Variants in TTC9C observed in about 807,000 individuals in gnomAD.
TTC9C encodes the protein tetratricopeptide repeat domain 9C, also known as tetratricopeptide repeat protein 9C.
A neutral mutation model predicts 22.5 loss-of-function variants in TTC9C; 15 were observed. The observed-to-expected ratio is 0.67, with a 90% CI of 0.45 to 1.03. The LOEUF (loss-of-function observed/expected upper bound fraction) is 1.03. Among genes scored for constraint, TTC9C ranks in the 50% least tolerant of loss-of-function variants. TTC9C has a pLI of 0.00. For missense variants in TTC9C, 244 were observed against 214.6 expected (o/e 1.14, Z -0.86); for synonymous variants, 92 against 86.8 (o/e 1.06, Z -0.33).
intron 1 of TTC9C, among the ~76,000 whole-genome samples, chr11:62,734,922 G>A (rs1195778465): frequency 2.0e-5 from 3 of 152,218 alleles, no homozygotes; most frequent in Non-Finnish European, 1.5e-5. Context: ...TTGAGACAAA[G>A]TTTCACTCTT....
At chr11:62,730,616 C>G (rs2083837319) in intron 1 of TTC9C, among the ~76,000 whole-genome samples, 1 of 152,154 alleles carries the variant, frequency 6.6e-6, no homozygotes, top group South Asian at 2.1e-4. Context: ...TCTTGTTGCC[C>G]AGGCTGGAGT....
At chr11:62,733,849 A>G (rs893137923) in intron 1 of TTC9C, among the ~76,000 whole-genome samples, 2 of 151,982 alleles carry the variant, frequency 1.3e-5, no homozygotes, top group Non-Finnish European at 1.5e-5. Context: ...AAAATTAGCC[A>G]GGCATGGTGG....
At chr11:62,731,958 TACA>T (rs1255106751) in intron 1 of TTC9C, among the ~76,000 whole-genome samples, 1 of 148,764 alleles carries the variant, frequency 6.7e-6, no homozygotes, top group East Asian at 2.0e-4. Context: ...GTGCTGGGAT[TACA>T]GGTGTGAGCC....
At chr11:62,733,221 T>G (rs954032287) in intron 1 of TTC9C, 3 of 1,238,292 alleles carry the variant, frequency 2.4e-6, no homozygotes, top group Non-Finnish European at 3.1e-6. Flanking sequence ...AAGGTCCCAT[T>G]AAGTCATCCA....
chr11:62,733,199 G>C (rs2083872535), intron 1 of TTC9C: 1 of 1,274,788 alleles, frequency 7.8e-7, no homozygotes. Flanking sequence ...CTCCTCTGCA[G>C]GTTTGTATTT....
chr11:62,733,341 C>CCT, intron 1 of TTC9C: 2 of 364,602 alleles, frequency 5.5e-6, no homozygotes, highest in South Asian at 5.1e-5. Context: ...AGATCTTAGA[C>CCT]AAGTTATTTG....
Position 62,728,771 on chromosome 11 carries a change from T to A in TTC9C, c.-78T>A. ...TGCCTCCTTAAATTGGCTGCTACTG[T>A]CAGTTATTTTGCTCCCAACCCCAGA... On this transcript the variant is annotated 5_prime_UTR_variant, in exon 1 of 3. Transcript: ENST00000316461. The A allele has an allele frequency of 7.1e-7, 1 of 1,412,092 alleles. No individual in the cohort carries two copies. Among genetic ancestry groups the A allele is most frequent in the Non-Finnish European group, 1.0e-6 (1 of 1,000,396 alleles). The allele number at this position is 1,412,092 out of a possible 1,614,324, so 87.5% of individuals were successfully genotyped here.
upstream of TTC9C, chr11:62,728,451 CGGGGGGGG>C (rs527854814): frequency 2.9e-5 from 13 of 445,486 alleles, no homozygotes; most frequent in African/African-American, 2.6e-4. Context: ...ACTTCCAGGT[CGGGGGGGG>C]GCGGGTCCAA....
At chr11:62,732,713 G>A (rs572910674) in intron 1 of TTC9C, among the ~76,000 whole-genome samples, 141 of 152,218 alleles carry the variant, frequency 9.3e-4, no homozygotes, top group African/African-American at 1.3e-3. Flanking sequence ...GAGGTCAGGA[G>A]ATGGAGACCA....
In TTC9C at chr11:62,735,273, G is replaced by T. The variant is rs2083897266; in HGVS notation, c.239-109G>T. On this transcript the variant is annotated intron_variant, in intron 1 of 2. Coordinates refer to ENST00000316461, the MANE Select transcript of TTC9C (RefSeq NM_173810.4). ...GCATATGGGAGACACTTTAGCATTT[G>T]TTGACTGAATGTTGTTACCACCCTG... The T allele has an allele frequency of 2.1e-6, 3 of 1,414,660 alleles. No homozygotes were observed. In the African/African-American group the frequency reaches 4.3e-5, roughly 20 times the overall value. 87.6% of individuals were successfully genotyped at this position (1,414,660 alleles called of 1,614,324 possible).
rs749635226 is a variant in TTC9C at position 62,735,525 on chromosome 11, C to T, written c.382C>T (p.Arg128Cys). The T allele has an allele frequency of 5.6e-6, 9 of 1,613,752 alleles. No individual in the cohort carries two copies. The highest frequency in any genetic ancestry group is 5.3e-5 in the African/African-American group (4 of 74,912). Residue 128 changes from arginine (R) to cysteine (C), a missense_variant, in exon 2 of 3, where the codon CGC becomes TGC. Physicochemically the swap from Arg to Cys is radical, Grantham distance 180. Coordinates refer to ENST00000316461, the MANE Select transcript of TTC9C (RefSeq NM_173810.4). ...CCATCTGCAGGACTATGACCAGGCCCGCCACTACCTCCTGGCTGCCGTGAA... is the reference window on the plus strand; with the variant it reads ...CCATCTGCAGGACTATGACCAGGCCTGCCACTACCTCCTGGCTGCCGTGAA... ...FFHLQDYDQA[R>C]HYLLAAVNRQ...
intron 2 of TTC9C, 53 bp from the exon 3 acceptor site, chr11:62,738,235 A>G: frequency 8.8e-7 from 1 of 1,134,300 alleles, no homozygotes; most frequent in African/African-American, 1.5e-5. Flanking sequence ...AGGTATGATT[A>G]TGGTCTTAAC....
At position 62,728,520 on chromosome 11, in the gene TTC9C, C is replaced by T. The variant is rs1416373997; in HGVS notation, c.-329C>T. Reference sequence around the variant, plus strand: ...GGCGTTCTCACGCCCGCAACAATTCCTGAGTAGGGCCTTGCTTGAGTTCTT... The same window carrying T: ...GGCGTTCTCACGCCCGCAACAATTCTTGAGTAGGGCCTTGCTTGAGTTCTT... On this transcript the variant is annotated 5_prime_UTR_variant, in exon 1 of 3. Coordinates refer to ENST00000316461, the MANE Select transcript of TTC9C (RefSeq NM_173810.4). 3 of 494,476 alleles carry T rather than the reference C, an allele frequency of 6.1e-6. No individual in the cohort carries two copies. The highest frequency in any genetic ancestry group is 7.9e-6 in the Non-Finnish European group (2 of 252,480). 30.6% of individuals were successfully genotyped at this position (494,476 alleles called of 1,614,324 possible). A position where few individuals can be genotyped will look rare whatever the true frequency, so the allele number is the denominator to read the frequency against.
At position 62,729,080 on chromosome 11, in the gene TTC9C, C is replaced by G. The variant is rs772325925; in HGVS notation, c.232C>G (p.Leu78Val). The G allele has an allele frequency of 9.9e-6, 16 of 1,613,686 alleles. No homozygotes were observed. The highest frequency in any genetic ancestry group is 8.3e-5 in the Admixed American group (5 of 59,970). The change falls in exon 1 of 3, where the codon CTA becomes GTA. Residue 78 changes from leucine (L) to valine (V), a missense_variant. By Grantham distance (32) the Leu-to-Val change is conservative (BLOSUM62 1). Transcript: ENST00000316461. The part of the protein sequence containing the change: ...HTTQTDCYNN[L>V]AACLLQMEPV... ...CACCCAGACAGACTGCTATAACAAT[C>G]TAGCTGGTAAGAACGGGGCTAAAGG...
rs1490107124 is a variant in TTC9C at position 62,729,154 on chromosome 11, G to C, written c.238+68G>C. 7 of 1,424,794 alleles carry C rather than the reference G, an allele frequency of 4.9e-6. No homozygotes were observed. In the African/African-American group the frequency reaches 1.0e-4, roughly 21 times the overall value. 88.3% of individuals were successfully genotyped at this position (1,424,794 alleles called of 1,614,324 possible). ...GAACATGAACATCTGTGAACATTGG[G>C]GGAAAAAACGCTGACTTTTTTTTTT... On this transcript the variant is annotated intron_variant, in intron 1 of 2. Transcript: ENST00000316461.
chr11:62,729,474 C>G (rs547252393), intron 1 of TTC9C, among the ~76,000 whole-genome samples: 1 of 151,820 alleles, frequency 6.6e-6, no homozygotes, highest in Non-Finnish European at 1.5e-5. Flanking sequence ...TCTGGGCTCA[C>G]TGCAGCCTCC....
In TTC9C at chr11:62,728,964, G is replaced by A; in HGVS notation, c.116G>A (p.Arg39Gln). The change falls in exon 1 of 3, where the codon CGG (arginine) becomes CAG (glutamine). Residue 39 changes from arginine to glutamine, a missense_variant. Coordinates refer to ENST00000316461, the MANE Select transcript of TTC9C (RefSeq NM_173810.4). ...TACCATCGAGCTCTGCTTCAGCTGC[G>A]GGGTCTGGATCCGAGTCTGCCCTCT... ...SRYHRALLQL[R>Q]GLDPSLPSPL... 3.1e-6 allele frequency: 5 copies of A among 1,614,122 alleles called. No individual in the cohort carries two copies. The highest frequency in any genetic ancestry group is 4.2e-6 in the Non-Finnish European group (5 of 1,180,030).
chr11:62,731,371 A>G (rs1302754351), intron 1 of TTC9C, among the ~76,000 whole-genome samples: 3 of 152,076 alleles, frequency 2.0e-5, no homozygotes, highest in African/African-American at 7.2e-5. Flanking sequence ...TGTAATCCCA[A>G]CACCTTGGTA....
chr11:62,730,472 A>G (rs185849909), intron 1 of TTC9C, among the ~76,000 whole-genome samples: 8 of 152,352 alleles, frequency 5.3e-5, no homozygotes, highest in Middle Eastern at 3.4e-3. Flanking sequence ...ACCATTTTAC[A>G]GATAAGGAAA....
Sources: gnomAD v4.1 joint callset for allele counts (sites outside exome capture counted in the v4.1 genomes callset) on GRCh38, gnomAD v4.1.1 for gene constraint, MANE v1.5 for transcripts, NCBI Gene and HGNC (gene_info 2026-07-23, HGNC 2026-07-21) for gene names.